Variants in TXNRD3 observed in about 807,000 individuals in gnomAD.
The protein encoded by TXNRD3 is TXNRD3 neighbor gene protein.
In TXNRD3, 68 loss-of-function variants were observed where a neutral mutation model predicts 78.2. The ratio of observed to expected loss-of-function variants is 0.87; its 90% CI spans 0.72 to 1.06. TXNRD3 has a LOEUF of 1.06. TXNRD3 is among the 50% of genes least tolerant of loss of function. TXNRD3 has a pLI of 0.00. For missense variants in TXNRD3, 751 were observed against 809.5 expected (o/e 0.93, Z 0.88); for synonymous variants, 296 against 300.1 (o/e 0.99, Z 0.14).
intron 1 of TXNRD3, among the ~76,000 whole-genome samples, chr3:126,648,603 T>C (rs1243179187): frequency 6.6e-6 from 1 of 151,710 alleles, no homozygotes; most frequent in Non-Finnish European, 1.5e-5. Flanking sequence ...GAAAGGAGAG[T>C]CTTTTCAACA....
chr3:126,634,026 TG>T lies in TXNRD3; in HGVS notation c.737del (p.Thr246LysfsTer11). On this transcript the variant is annotated frameshift_variant, in exon 7 of 16. Coordinates refer to ENST00000524230, the MANE Select transcript of TXNRD3 (RefSeq NM_052883.3). LOFTEE classifies it high-confidence loss of function. ...AGCTGATGTGGTTCTGAATCGCTTT[TG>T]TCATTGTCTCCCAGTTGTGCCTCAC... 4.0e-6 allele frequency: 6 copies of T among 1,517,060 alleles called. No individual in the cohort carries two copies. Among genetic ancestry groups the T allele is most frequent in the Non-Finnish European group, 5.3e-6 (6 of 1,137,464 alleles). The allele number at this position is 1,517,060 out of a possible 1,614,324, so 94.0% of individuals were successfully genotyped here.
intron 7 of TXNRD3, among the ~76,000 whole-genome samples, chr3:126,633,038 T>C (rs1272020427): frequency 6.6e-6 from 1 of 152,234 alleles, no homozygotes; most frequent in Non-Finnish European, 1.5e-5. Flanking sequence ...AATTGGCCCA[T>C]GTAAGGTTTT....
In TXNRD3 at chr3:126,654,966, G is replaced by C. The variant is rs1484095314; in HGVS notation, c.25C>G (p.Pro9Ala). 4.6e-6 allele frequency: 6 copies of C among 1,299,602 alleles called. No homozygotes were observed. The Admixed American group carries it at 2.4e-4, about 53-fold the overall frequency. The allele number at this position is 1,299,602 out of a possible 1,614,324, so 80.5% of individuals were successfully genotyped here. Residue 9 changes from proline to alanine, a missense_variant, in exon 1 of 16, where the codon CCC becomes GCC. Transcript: ENST00000524230. ...GCATCGCCCGCCTTTCCCGGCCCGG[G>C]CGACTGCGGCGGCGACCGCTCCAGA...
chr3:126,654,025 TAA>T (rs376083520), intron 1 of TXNRD3, among the ~76,000 whole-genome samples: 9 of 131,830 alleles, frequency 6.8e-5, no homozygotes, highest in South Asian at 4.8e-4. Context: ...GGTAAAAATG[TAA>T]AAAAAAAAAA....
chr3:126,630,603 A>G (rs1484177263), intron 9 of TXNRD3, 109 bp downstream of exon 9: 2 of 1,188,784 alleles, frequency 1.7e-6, no homozygotes, highest in South Asian at 1.5e-5. Context: ...GAGTGGAAAC[A>G]CTGTTTTAAC....
At chr3:126,608,414 T>C (rs1938110136) in intron 15 of TXNRD3, 85 bp downstream of exon 15, 1 of 1,305,488 alleles carries the variant, frequency 7.7e-7, no homozygotes, top group Non-Finnish European at 1.0e-6. Context: ...CAGTTACTAA[T>C]ATGACATCTT....
At chr3:126,644,471 T>C (rs1933183123) in intron 3 of TXNRD3, 70 bp from the exon 4 acceptor site, 2 of 988,536 alleles carry the variant, frequency 2.0e-6, no homozygotes, top group Non-Finnish European at 1.5e-6. Context: ...GTACACCCTA[T>C]GTTCAACTGG....
intron 10 of TXNRD3, 68 bp downstream of exon 10, chr3:126,629,311 C>A: frequency 2.7e-6 from 3 of 1,103,582 alleles, no homozygotes; most frequent in South Asian, 1.6e-5. Context: ...ATAATTTTCC[C>A]ATAAGTTTCA....
chr3:126,637,932 C>CTCTCTTTTTT (rs1444254294), intron 6 of TXNRD3, among the ~76,000 whole-genome samples: 4 of 60,236 alleles, frequency 6.6e-5, no homozygotes, highest in Admixed American at 5.2e-4. Flanking sequence ...ATTTCTCTCT[C>CTCTCTTTTTT]TTTTTTTTTT....
intron 10 of TXNRD3, among the ~76,000 whole-genome samples, chr3:126,627,671 G>A (rs1938610603): frequency 6.6e-6 from 1 of 151,826 alleles, no homozygotes; most frequent in Non-Finnish European, 1.5e-5. Context: ...AGTAAATCAA[G>A]GAAAAAATAA....
intron 10 of TXNRD3, among the ~76,000 whole-genome samples, chr3:126,623,948 G>A (rs1195420876): frequency 6.6e-6 from 1 of 151,126 alleles, no homozygotes; most frequent in Non-Finnish European, 1.5e-5. Flanking sequence ...AAGCTACAAG[G>A]TCAATATAAA....
At position 126,608,557 on chromosome 3, in the gene TXNRD3, C is replaced by T. The variant is rs1456478396; in HGVS notation, c.1805G>A (p.Cys602Tyr). ...ATCAAGTAGCTGTTTTGTGAGCCCA[C>T]ATTTCATTGCAGCTGCAAATCCTTG... Residue 602 changes from cysteine (C) to tyrosine (Y), a missense_variant, in exon 15 of 16, where the codon TGT becomes TAT. Physicochemically the swap from Cys to Tyr is radical, Grantham distance 194. Transcript: ENST00000524230. 1 of 1,536,016 alleles carries T rather than the reference C, an allele frequency of 6.5e-7. No individual in the cohort carries two copies. Among genetic ancestry groups the T allele is most frequent in the South Asian group, 1.2e-5 (1 of 84,052 alleles).
Position 126,611,079 on chromosome 3 carries a change from G to T in TXNRD3, c.1686C>A (p.Asn562Lys). ...AGATTATCTTTGCATAACAAGTGTT[G>T]TTCTCTCTGCCAGCTACTGTCCATT... The change falls in exon 14 of 16, where the codon AAC (asparagine) becomes AAA (lysine). Residue 562 changes from asparagine (N) to lysine (K), a missense_variant. Asn to Lys is a moderately conservative substitution (Grantham distance 94, BLOSUM62 0). Coordinates refer to ENST00000524230, the MANE Select transcript of TXNRD3 (RefSeq NM_052883.3). 1 of 1,527,438 alleles carries T rather than the reference G, an allele frequency of 6.5e-7. No homozygotes were observed. Among genetic ancestry groups the T allele is most frequent in the Non-Finnish European group, 8.8e-7 (1 of 1,142,030 alleles). 94.6% of individuals were successfully genotyped at this position (1,527,438 alleles called of 1,614,324 possible). A position where few individuals can be genotyped will look rare whatever the true frequency, so the allele number is the denominator to read the frequency against.
chr3:126,631,983 C>G (rs1938726125), intron 7 of TXNRD3, 104 bp from the exon 8 acceptor site: 1 of 698,398 alleles, frequency 1.4e-6, no homozygotes, highest in Non-Finnish European at 2.5e-6. Context: ...TCAACAGCAA[C>G]AGCAGACATG....
chr3:126,642,267 C>T, intron 5 of TXNRD3, 116 bp from the exon 6 acceptor site: 1 of 1,290,126 alleles, frequency 7.8e-7, no homozygotes, highest in Non-Finnish European at 1.0e-6. Context: ...GGATGACACC[C>T]CACCCCAAAA....
At chr3:126,650,496 T>C (rs1380406030) in intron 1 of TXNRD3, among the ~76,000 whole-genome samples, 1 of 151,960 alleles carries the variant, frequency 6.6e-6, no homozygotes, top group Non-Finnish European at 1.5e-5. Context: ...CAAAAATTAC[T>C]GAGGTGTGGT....
intron 3 of TXNRD3, 22 bp downstream of exon 3, chr3:126,646,089 G>T (rs1576296734): frequency 1.4e-6 from 2 of 1,470,610 alleles, no homozygotes; most frequent in South Asian, 1.3e-5. Context: ...CAGCATTGAA[G>T]AACATATAAT....
chr3:126,613,677 T>C (rs1230431769), intron 13 of TXNRD3, among the ~76,000 whole-genome samples: 2 of 152,240 alleles, frequency 1.3e-5, no homozygotes, highest in Non-Finnish European at 2.9e-5. Context: ...TTATAGCCAT[T>C]GTAACATCAT....
intron 1 of TXNRD3, among the ~76,000 whole-genome samples, chr3:126,650,881 G>A (rs1466094775): frequency 6.6e-6 from 1 of 152,156 alleles, no homozygotes; most frequent in Non-Finnish European, 1.5e-5. Flanking sequence ...AGAAGCCACT[G>A]TTTTATCTCT....
Sources: allele counts gnomAD v4.1 joint callset (sites outside exome capture counted in the v4.1 genomes callset), GRCh38; gene constraint gnomAD v4.1.1; transcripts MANE v1.5; gene names NCBI Gene and HGNC (gene_info 2026-07-23, HGNC 2026-07-21).